The following ARHGAP20 variants were observed in gnomAD, a reference collection of about 807,000 sequenced individuals.
ARHGAP20 encodes the protein rho GTPase-activating protein 20.
Under a neutral mutation model 73.7 loss-of-function variants are expected in ARHGAP20, and 34 were observed. The ratio of observed to expected loss-of-function variants is 0.46; its 90% CI spans 0.35 to 0.61. ARHGAP20 has a LOEUF of 0.61. ARHGAP20 is among the 20% of genes least tolerant of loss of function. ARHGAP20 has a pLI of 0.00. For missense variants in ARHGAP20, 1,314 were observed against 1,420.9 expected, an observed-to-expected ratio of 0.92 and a Z score of 1.21; for synonymous variants, 523 against 518.2, an observed-to-expected ratio of 1.01 and a Z score of -0.13.
Position 110,580,402 on chromosome 11 carries a change from G to C in ARHGAP20, c.2544C>G (p.Pro848=). 1 of 1,614,200 alleles carries C rather than the reference G, an allele frequency of 6.2e-7. No homozygotes were observed. Residue 848 remains proline, a synonymous_variant, in exon 15 of 15, where the codon CCC becomes CCG. Coordinates refer to ENST00000683387, the MANE Select transcript of ARHGAP20 (RefSeq NM_001384657.1). ...GCTTGCGGTTCTGGTCTTCTATGTT[G>C]GGCTCTGAGCAGCGCCGATGTGTCC... The part of the protein sequence containing the change: ...GPRTHRRCSE[P]NIEDQNRKLT...
At chr11:110,686,473 T>A (rs1185943746) in intron 2 of ARHGAP20, among the ~76,000 whole-genome samples, 1 of 152,184 alleles carries the variant, frequency 6.6e-6, no homozygotes, top group African/African-American at 2.4e-5. Flanking sequence ...CTTTTTGTTT[T>A]ATACATGTCC....
chr11:110,645,969 G>C (rs1165480198), intron 2 of ARHGAP20, among the ~76,000 whole-genome samples: 1 of 151,990 alleles, frequency 6.6e-6, no homozygotes, highest in East Asian at 1.9e-4. Context: ...ACTATTAGAA[G>C]GGGGAGAGAG....
intron 1 of ARHGAP20, among the ~76,000 whole-genome samples, chr11:110,701,350 T>G (rs1950448421): frequency 6.6e-6 from 1 of 151,380 alleles, no homozygotes; most frequent in African/African-American, 2.4e-5. Context: ...TGGTGAGCAT[T>G]TTTTCATGTG....
intron 2 of ARHGAP20, among the ~76,000 whole-genome samples, chr11:110,639,791 A>G (rs112681138): frequency 2.4e-4 from 37 of 152,122 alleles, no homozygotes; most frequent in African/African-American, 8.4e-4. Flanking sequence ...CTGCTGAATA[A>G]TATTCTGGTG....
chr11:110,685,346 T>A (rs1950111645), intron 2 of ARHGAP20, among the ~76,000 whole-genome samples: 1 of 152,040 alleles, frequency 6.6e-6, no homozygotes. Flanking sequence ...CACTACTGTG[T>A]CAAAGAGAAA....
At chr11:110,697,897 G>A (rs1950367498) in intron 1 of ARHGAP20, among the ~76,000 whole-genome samples, 1 of 151,720 alleles carries the variant, frequency 6.6e-6, no homozygotes, top group Non-Finnish European at 1.5e-5. Context: ...GATGGCTTTG[G>A]CTATTTGGGC....
At position 110,580,579 on chromosome 11, in the gene ARHGAP20, G is replaced by A. The variant is rs760675334; in HGVS notation, c.2367C>T (p.His789=). Residue 789 remains histidine, a synonymous_variant, in exon 15 of 15, where the codon CAC becomes CAT. Coordinates refer to ENST00000683387, the MANE Select transcript of ARHGAP20 (RefSeq NM_001384657.1). ...KKSLSGSEGN[H]VKLFPKSKPV... is the part of the protein sequence containing the mutation. Reference sequence around the variant, plus strand: ...GCTTAGACTTAGGGAAAAGTTTCACGTGATTTCCTTCACTACCAGACAAGC... The same window carrying A: ...GCTTAGACTTAGGGAAAAGTTTCACATGATTTCCTTCACTACCAGACAAGC... 5 of 1,614,216 alleles carry A rather than the reference G, an allele frequency of 3.1e-6. No homozygotes were observed. The highest frequency in any genetic ancestry group is 2.2e-5 in the South Asian group (2 of 91,088).
Position 110,579,287 on chromosome 11 carries a change from CT to C in ARHGAP20, c.*82del. The C allele has an allele frequency of 4.7e-6, 7 of 1,473,704 alleles. No homozygotes were observed. The highest frequency in any genetic ancestry group is 6.3e-6 in the Non-Finnish European group (7 of 1,111,890). 91.3% of individuals were successfully genotyped at this position (1,473,704 alleles called of 1,614,324 possible). On this transcript the variant is annotated 3_prime_UTR_variant, in exon 15 of 15. Coordinates refer to ENST00000683387, the MANE Select transcript of ARHGAP20 (RefSeq NM_001384657.1). The stretch of plus-strand genomic sequence containing the variant: ...TCCTTATGCTACCTCTCCCAGGTAT[CT>C]TATACAAAGGGGTCATAATAATTAT...
At chr11:110,701,750 G>A (rs373350785) in intron 1 of ARHGAP20, among the ~76,000 whole-genome samples, 1 of 151,742 alleles carries the variant, frequency 6.6e-6, no homozygotes, top group African/African-American at 2.4e-5. Context: ...ATCTTGAATT[G>A]ATTTTTGTAT....
chr11:110,618,468 C>T (rs563624144), intron 4 of ARHGAP20, among the ~76,000 whole-genome samples: 2 of 152,348 alleles, frequency 1.3e-5, no homozygotes, highest in South Asian at 2.1e-4. Flanking sequence ...TGTCTTTTGA[C>T]TGATTTTCCC....
At chr11:110,605,466 A>G (rs1948203139) in intron 9 of ARHGAP20, among the ~76,000 whole-genome samples, 1 of 152,250 alleles carries the variant, frequency 6.6e-6, no homozygotes, top group Non-Finnish European at 1.5e-5. Flanking sequence ...CTTTAAATGC[A>G]TTAGAGAAGG....
intron 9 of ARHGAP20, among the ~76,000 whole-genome samples, chr11:110,604,515 G>C (rs1948178727): frequency 6.6e-6 from 1 of 152,108 alleles, no homozygotes; most frequent in Admixed American, 6.6e-5. Context: ...CAGAAAAATA[G>C]TTTTGAAAAA....
At position 110,582,341 on chromosome 11, in the gene ARHGAP20, T is replaced by C. The variant is rs1225584489; in HGVS notation, c.1700A>G (p.Asp567Gly). 2 of 1,611,526 alleles carry C rather than the reference T, an allele frequency of 1.2e-6. 1 individual carries two copies. Among genetic ancestry groups the C allele is most frequent in the South Asian group, 2.2e-5 (2 of 91,000 alleles). Residue 567 changes from aspartate to glycine, a missense_variant, in exon 14 of 15, where the codon GAC becomes GGC. Coordinates refer to ENST00000683387, the MANE Select transcript of ARHGAP20 (RefSeq NM_001384657.1). The stretch of plus-strand genomic sequence containing the variant: ...AATACCTGAGGCATTCTCTCTAGTG[T>C]CACATCTCACTGAAACCTCTCTGAA... Reference protein sequence around the residue: ...SLFREVSVRCDTRENASDISC... With the variant: ...SLFREVSVRCGTRENASDISC...
chr11:110,700,939 A>G (rs1950436554), intron 1 of ARHGAP20, among the ~76,000 whole-genome samples: 1 of 151,328 alleles, frequency 6.6e-6, no homozygotes, highest in Admixed American at 6.6e-5. Flanking sequence ...TTATGGCTGC[A>G]TAGTATTCCA....
chr11:110,695,475 A>G (rs1482564092), intron 1 of ARHGAP20, among the ~76,000 whole-genome samples: 2 of 151,670 alleles, frequency 1.3e-5, no homozygotes, highest in East Asian at 3.9e-4. Context: ...AAGAAATATT[A>G]AAACTCAATA....
At chr11:110,696,470 CA>C (rs1315809388) in intron 1 of ARHGAP20, among the ~76,000 whole-genome samples, 1 of 146,810 alleles carries the variant, frequency 6.8e-6, no homozygotes, top group African/African-American at 2.5e-5. Context: ...TTTTTTATCC[CA>C]TTTTTTTTGG....
chr11:110,608,893 A>C, intron 8 of ARHGAP20, 91 bp downstream of exon 8: 1 of 1,044,044 alleles, frequency 9.6e-7, no homozygotes, highest in Admixed American at 2.1e-5. Context: ...AATAGTATTT[A>C]AGCTTAGGAC....
chr11:110,650,542 G>A (rs1248970720), intron 2 of ARHGAP20, among the ~76,000 whole-genome samples: 1 of 152,058 alleles, frequency 6.6e-6, no homozygotes, highest in Non-Finnish European at 1.5e-5. Context: ...AGACTTATCT[G>A]CTTATCTGCT....
rs538990517 is a variant in ARHGAP20, at chr11:110,578,006, C to A, written c.*1364G>T. The A allele has an allele frequency of 5.1e-6, 5 of 985,360 alleles. No individual in the cohort carries two copies. The East Asian group carries it at 3.4e-4, about 67-fold the overall frequency. 61.0% of individuals were successfully genotyped at this position (985,360 alleles called of 1,614,324 possible). Reference sequence around the variant, plus strand: ...AGAGTTTAAATAAATGGGCTCAGAGCAACTTCTTATAGGTTAGTAGTTAAT... The same window carrying A: ...AGAGTTTAAATAAATGGGCTCAGAGAAACTTCTTATAGGTTAGTAGTTAAT... On this transcript the variant is annotated 3_prime_UTR_variant, in exon 15 of 15. Coordinates refer to ENST00000683387, the MANE Select transcript of ARHGAP20 (RefSeq NM_001384657.1).
Sources: gnomAD v4.1 joint callset for allele counts (sites outside exome capture counted in the v4.1 genomes callset) on GRCh38, gnomAD v4.1.1 for gene constraint, MANE v1.5 for transcripts, NCBI Gene and HGNC (gene_info 2026-07-23, HGNC 2026-07-21) for gene names.